The following INSR variants were observed in gnomAD, a reference collection of about 807,000 sequenced individuals.
The protein encoded by INSR is insulin receptor.
In INSR, 67 loss-of-function variants were observed where a neutral mutation model predicts 142.6. That is an observed-to-expected ratio of 0.47 (90% confidence interval 0.39 to 0.58). The LOEUF (loss-of-function observed/expected upper bound fraction) is 0.58. INSR is among the 20% of genes least tolerant of loss of function. The probability of loss-of-function intolerance (pLI) is 0.00; values close to 1 mark genes in which losing one functional copy is unlikely to be tolerated. For synonymous variants in INSR, 756 were observed against 743.1 expected (o/e 1.02, Z -0.28); for missense variants, 1,248 against 1,833.2 (o/e 0.68, Z 5.83).
At position 7,168,701 on chromosome 19, in the gene INSR, A is replaced by G. The variant is rs1973943488; in HGVS notation, c.1484-607T>C. On this transcript the variant is annotated intron_variant, in intron 6 of 21. Coordinates refer to ENST00000302850, the MANE Select transcript of INSR (RefSeq NM_000208.4). This position sits in a 1 kb window ranked among gnomAD's most constrained non-coding sequence, Gnocchi z 4.3. ...GCAGTCCACCTACCGGGTTTAAGCA[A>G]TTCTCATGCCTCAGCCTCTCAAGTA... is the stretch of plus-strand genomic sequence containing the variant. Among the ~76,000 whole-genome samples the G allele has an allele frequency of 6.6e-6, 1 of 151,840 alleles. No individual in the cohort carries two copies. The highest frequency in any genetic ancestry group is 6.6e-5 in the Admixed American group (1 of 15,224).
chr19:7,165,631 G>T (rs1246067067), intron 8 of INSR, among the ~76,000 whole-genome samples: 2 of 152,070 alleles, frequency 1.3e-5, no homozygotes, highest in African/African-American at 4.8e-5. Context: ...GGGAGGCCGA[G>T]GCAGGAGGAT....
intron 9 of INSR, among the ~76,000 whole-genome samples, chr19:7,153,366 C>CACAAACACAA (rs879798799): frequency 5.0e-4 from 1 of 1,994 alleles, no homozygotes; most frequent in Non-Finnish European, 2.0e-3. Flanking sequence ...CACCACACAC[C>CACAAACACAA]CCACACACAC....
At chr19:7,183,263 GGTGTGTGTGTGT>G (rs71177167) in intron 3 of INSR, among the ~76,000 whole-genome samples, 30 of 146,590 alleles carry the variant, frequency 2.0e-4, no homozygotes, top group African/African-American at 4.3e-4. Context: ...GTTGTTTTGT[GGTGTGTGTGTGT>G]GTGTGTGTGT....
chr19:7,130,677 C>T (rs1301875726), intron 14 of INSR, among the ~76,000 whole-genome samples: 1 of 152,114 alleles, frequency 6.6e-6, no homozygotes, highest in African/African-American at 2.4e-5. Context: ...GAGCAGATGC[C>T]AGCATCATGG....
rs1973999006 is a variant in INSR, at chr19:7,170,769, A to AT, written c.1269-19_1269-18insA. On this transcript the variant is annotated intron_variant, in intron 5 of 21. Coordinates refer to ENST00000302850, the MANE Select transcript of INSR (RefSeq NM_000208.4). ...AGTAGTTCCTATGGAAAAAACACAC[A>AT]CATCTAGTCATTCAACGGCTGGTCT... The AT allele has an allele frequency of 6.3e-7, 1 of 1,580,842 alleles. No homozygotes were observed. The highest frequency in any genetic ancestry group is 1.7e-5 in the Admixed American group (1 of 59,920).
intron 2 of INSR, among the ~76,000 whole-genome samples, chr19:7,257,279 C>T (rs181671033): frequency 5.3e-5 from 8 of 152,074 alleles, no homozygotes; most frequent in Admixed American, 2.0e-4. Context: ...GTTGGATCCC[C>T]GTGTGCAGGC....
intron 13 of INSR, among the ~76,000 whole-genome samples, chr19:7,138,606 A>G (rs1241915384): frequency 6.6e-6 from 1 of 151,928 alleles, no homozygotes; most frequent in African/African-American, 2.4e-5. Context: ...TCCTGGCCTC[A>G]AGCAATCCTC....
At chr19:7,165,246 G>A (rs550812367) in intron 8 of INSR, among the ~76,000 whole-genome samples, 1 of 150,716 alleles carries the variant, frequency 6.6e-6, no homozygotes, top group East Asian at 2.0e-4. Flanking sequence ...AGTCCAGATG[G>A]CGCCACTGCA....
intron 13 of INSR, among the ~76,000 whole-genome samples, chr19:7,133,653 G>A (rs961056121): frequency 6.6e-6 from 1 of 152,282 alleles, no homozygotes; most frequent in Non-Finnish European, 1.5e-5. Context: ...CCTGAGGTCA[G>A]GAGTTCGAGA....
Position 7,125,489 on chromosome 19 carries a change from C to T in INSR, c.3052G>A (p.Val1018Met). 1.2e-6 allele frequency: 2 copies of T among 1,614,080 alleles called. No homozygotes were observed. Among genetic ancestry groups the T allele is most frequent in the Non-Finnish European group, 1.7e-6 (2 of 1,180,040 alleles). ...AGGAGGGTGATCTTCTCTCGAGACA[C>T]CTCCCACTCGTCCGGCACGTACACA... Reference protein sequence around the residue: ...CSVYVPDEWEVSREKITLLRE... With the variant: ...CSVYVPDEWEMSREKITLLRE... The change falls in exon 17 of 22, where the codon GTG (valine) becomes ATG (methionine). Residue 1018 changes from valine (V) to methionine (M), a missense_variant. Physicochemically the swap from Val to Met is conservative, Grantham distance 21 (BLOSUM62 1). Transcript: ENST00000302850. The surrounding 1 kb of genome is among the most constrained non-coding windows in gnomAD (Gnocchi z 4.9).
intron 2 of INSR, among the ~76,000 whole-genome samples, chr19:7,257,527 CAAAAA>C (rs55712056): frequency 1.2e-5 from 1 of 85,198 alleles, no homozygotes. Context: ...CAGAGAGCTC[CAAAAA>C]AAAAAAAAAA....
intron 8 of INSR, among the ~76,000 whole-genome samples, chr19:7,164,932 C>T (rs1485072508): frequency 2.6e-5 from 4 of 151,478 alleles, no homozygotes; most frequent in African/African-American, 9.7e-5. Flanking sequence ...AGATTGAGAC[C>T]ATCCTGGCCA....
chr19:7,247,309 A>T (rs1347719816), intron 2 of INSR, among the ~76,000 whole-genome samples: 1 of 152,176 alleles, frequency 6.6e-6, no homozygotes, highest in Non-Finnish European at 1.5e-5. Flanking sequence ...CTCTGTTCCC[A>T]GAGAGGAGAA....
intron 8 of INSR, among the ~76,000 whole-genome samples, 194 bp from the exon 9 acceptor site, chr19:7,163,393 T>C (rs1453805767): frequency 6.6e-6 from 1 of 151,900 alleles, no homozygotes; most frequent in East Asian, 1.9e-4. Context: ...ACCCCGTCTC[T>C]ACTAAAAATA....
At position 7,144,693 on chromosome 19, in the gene INSR, C is replaced by T. The variant is rs146785839; in HGVS notation, c.2268-1603G>A. On this transcript the variant is annotated intron_variant, in intron 11 of 21. Transcript: ENST00000302850. ...TGCCAGGATTACAGGCATGAGCCAC[C>T]GCACATGGCTCTTTTTTTTTTTTTT... is the stretch of plus-strand genomic sequence containing the variant. 6.6e-3 allele frequency among the ~76,000 whole-genome samples: 989 copies of T among 150,738 alleles called. 8 individuals are homozygous for T. The highest frequency in any genetic ancestry group is 0.045 in the East Asian group (224 of 4,980).
chr19:7,141,487 G>T, intron 13 of INSR, 190 bp downstream of exon 13: 1 of 711,778 alleles, frequency 1.4e-6, no homozygotes, highest in Non-Finnish European at 2.4e-6. Flanking sequence ...AAAGTAACAA[G>T]CTGGTAGATT....
At chr19:7,254,721 C>T (rs376141838) in intron 2 of INSR, among the ~76,000 whole-genome samples, 4 of 152,170 alleles carry the variant, frequency 2.6e-5, no homozygotes, top group South Asian at 2.1e-4. Context: ...GCCAGCCTGA[C>T]GCACAGGCGC....
intron 2 of INSR, among the ~76,000 whole-genome samples, chr19:7,254,750 C>T (rs953507858): frequency 1.3e-5 from 2 of 152,162 alleles, no homozygotes; most frequent in Non-Finnish European, 2.9e-5. Flanking sequence ...TTCCTTGGGT[C>T]CTCCCCGGGG....
At chr19:7,229,354 A>G (rs28550121) in intron 2 of INSR, among the ~76,000 whole-genome samples, 3 of 125,598 alleles carry the variant, frequency 2.4e-5, no homozygotes, top group Non-Finnish European at 5.6e-5. Context: ...GGATGGATGG[A>G]TGGATGGATG....
Sources: allele counts gnomAD v4.1 joint callset (sites outside exome capture counted in the v4.1 genomes callset), GRCh38; gene constraint gnomAD v4.1.1; non-coding constraint Gnocchi (gnomAD v3.1); transcripts MANE v1.5; gene names NCBI Gene and HGNC (gene_info 2026-07-23, HGNC 2026-07-21).